BBS9: variants seen among roughly 807,000 people sequenced by gnomAD.
BBS9 encodes protein PTHB1.
Under a neutral mutation model 117.7 loss-of-function variants are expected in BBS9, and 89 were observed. That is an observed-to-expected ratio of 0.76 (90% CI 0.64 to 0.90). The LOEUF (loss-of-function observed/expected upper bound fraction) is 0.90. Among genes scored for constraint, BBS9 ranks in the 40% least tolerant of loss-of-function variants. The probability of loss-of-function intolerance (pLI) is 0.00; values close to 1 mark genes in which losing one functional copy is unlikely to be tolerated. For synonymous variants in BBS9, 379 were observed against 370.9 expected (o/e 1.02, Z -0.25); for missense variants, 982 against 1,042.2 (o/e 0.94, Z 0.80).
intron 21 of BBS9, among the ~76,000 whole-genome samples, chr7:33,619,670 C>T (rs1055673218): frequency 5.9e-5 from 9 of 152,088 alleles, no homozygotes; most frequent in African/African-American, 2.2e-4. Flanking sequence ...TCTTTTACCT[C>T]AATGCTATGA....
rs768331125 is a variant in BBS9, at chr7:33,450,323, C to T, written c.2116-55140C>T. On this transcript the variant is annotated intron_variant, in intron 19 of 22. Coordinates refer to ENST00000242067, the MANE Select transcript of BBS9 (RefSeq NM_198428.3). Reference sequence around the variant, plus strand: ...TCCCCTTGGCAATTGCGAATAATGCCGCAATGAACATGAATGTGCCAATAT... The same window carrying T: ...TCCCCTTGGCAATTGCGAATAATGCTGCAATGAACATGAATGTGCCAATAT... 4.5e-4 allele frequency among the ~76,000 whole-genome samples: 69 copies of T among 152,216 alleles called. 1 individual carries two copies. Among genetic ancestry groups the T allele is most frequent in the Admixed American group, 1.5e-3 (23 of 15,280 alleles).
At chr7:33,300,932 G>T (rs1806273074) in intron 9 of BBS9, among the ~76,000 whole-genome samples, 1 of 152,042 alleles carries the variant, frequency 6.6e-6, no homozygotes. Context: ...GGATATTTTT[G>T]CTGGGTATAG....
intron 12 of BBS9, among the ~76,000 whole-genome samples, chr7:33,348,256 T>G (rs1299300546): frequency 1.3e-5 from 2 of 152,178 alleles, no homozygotes; most frequent in African/African-American, 4.8e-5. Flanking sequence ...TGTGGTTCTT[T>G]GTGGCTAGAT....
At chr7:33,345,821 A>G (rs751534271) in intron 12 of BBS9, among the ~76,000 whole-genome samples, 31 of 152,228 alleles carry the variant, frequency 2.0e-4, no homozygotes, top group Non-Finnish European at 3.2e-4. Flanking sequence ...GTAATAATTT[A>G]GGAGTGCACT....
At chr7:33,410,245 C>T (rs895236246) in intron 19 of BBS9, among the ~76,000 whole-genome samples, 1 of 152,194 alleles carries the variant, frequency 6.6e-6, no homozygotes, top group African/African-American at 2.4e-5. Context: ...TCCCTGTTCT[C>T]TTTAGGGCGT....
rs73109622 is a variant in BBS9, at chr7:33,546,790, C to T, written c.2521+12614C>T. Among the ~76,000 whole-genome samples, 1,418 of 152,282 alleles carry T rather than the reference C, an allele frequency of 9.3e-3. 8 individuals are homozygous for T. The highest frequency in any genetic ancestry group is 0.017 in the Non-Finnish European group (1,126 of 68,016). On this transcript the variant is annotated intron_variant, in intron 21 of 22. Transcript: ENST00000242067. ...CCACAACGCATTCCCTGGTCCTCCT[C>T]CTGGAACTGCTAGTAAATTTTCCAT...
At chr7:33,157,265 G>A (rs531738745) in intron 4 of BBS9, among the ~76,000 whole-genome samples, 1 of 152,272 alleles carries the variant, frequency 6.6e-6, no homozygotes, top group Admixed American at 6.5e-5. Context: ...AAAACGTACT[G>A]AAAGAAACTG....
chr7:33,563,349 G>C (rs567228275), intron 21 of BBS9, among the ~76,000 whole-genome samples: 4 of 151,640 alleles, frequency 2.6e-5, no homozygotes, highest in Non-Finnish European at 5.9e-5. Context: ...ATTAGTAACA[G>C]TTGTTTTGTT....
intron 17 of BBS9, among the ~76,000 whole-genome samples, chr7:33,369,711 T>C (rs1029852): frequency 0.08 from 12,173 of 152,166 alleles, 509 homozygotes; most frequent in South Asian, 0.14. Flanking sequence ...TTTTCTGAGA[T>C]TGAGGCAGAT....
intron 5 of BBS9, among the ~76,000 whole-genome samples, chr7:33,178,443 T>C (rs1031876374): frequency 3.3e-5 from 5 of 152,184 alleles, no homozygotes; most frequent in Non-Finnish European, 7.3e-5. Flanking sequence ...GGTGCTTGCT[T>C]GTGTACACTC....
chr7:33,322,807 T>C (rs140299045), intron 9 of BBS9, among the ~76,000 whole-genome samples: 190 of 152,254 alleles, frequency 1.2e-3, no homozygotes, highest in African/African-American at 4.4e-3. Flanking sequence ...CTTTTCAGAT[T>C]CTTTAAGATG....
intron 5 of BBS9, among the ~76,000 whole-genome samples, chr7:33,189,005 T>C (rs1783608049): frequency 6.6e-6 from 1 of 152,110 alleles, no homozygotes; most frequent in African/African-American, 2.4e-5. Context: ...CCTGAATACA[T>C]TTTTACTTTT....
At chr7:33,265,892 T>C (rs1318837685) in intron 7 of BBS9, among the ~76,000 whole-genome samples, 1 of 151,724 alleles carries the variant, frequency 6.6e-6, no homozygotes, top group East Asian at 1.9e-4. Flanking sequence ...TATATAAATA[T>C]ATGTATTGTA....
chr7:33,567,624 A>T, intron 21 of BBS9, among the ~76,000 whole-genome samples: 1 of 152,004 alleles, frequency 6.6e-6, no homozygotes, highest in East Asian at 1.9e-4. Context: ...AATTTCTGTT[A>T]TTAGTTACTT....
intron 17 of BBS9, among the ~76,000 whole-genome samples, chr7:33,383,131 A>G (rs1825381695): frequency 6.6e-6 from 1 of 152,184 alleles, no homozygotes; most frequent in African/African-American, 2.4e-5. Flanking sequence ...ATAAAGGGAA[A>G]CAAGATTTAT....
At chr7:33,623,963 A>C (rs2129224500) in intron 21 of BBS9, among the ~76,000 whole-genome samples, 1 of 148,596 alleles carries the variant, frequency 6.7e-6, no homozygotes, top group South Asian at 2.2e-4. Context: ...TTGGTGAGCA[A>C]ATCTTTCATT....
intron 9 of BBS9, among the ~76,000 whole-genome samples, chr7:33,279,615 GT>G (rs1022262520): frequency 6.6e-6 from 1 of 151,836 alleles, no homozygotes; most frequent in African/African-American, 2.4e-5. Flanking sequence ...AGTCTAAGAT[GT>G]TTTTTTTCTT....
intron 20 of BBS9, among the ~76,000 whole-genome samples, chr7:33,514,391 A>T (rs1847420411): frequency 6.6e-6 from 1 of 152,164 alleles, no homozygotes; most frequent in Non-Finnish European, 1.5e-5. Flanking sequence ...ATGGTTCTTT[A>T]GTGCCTTTCT....
intron 9 of BBS9, among the ~76,000 whole-genome samples, chr7:33,329,705 G>C (rs75327687): frequency 0.069 from 10,534 of 152,120 alleles, 421 homozygotes; most frequent in African/African-American, 0.079. Context: ...TTCTCTAAAA[G>C]GATTATAACA....
Sources: gnomAD v4.1 joint callset for allele counts (sites outside exome capture counted in the v4.1 genomes callset) on GRCh38, gnomAD v4.1.1 for gene constraint, MANE v1.5 for transcripts, NCBI Gene and HGNC (gene_info 2026-07-23, HGNC 2026-07-21) for gene names.